Variants in SPOCK3 observed in about 807,000 individuals in gnomAD.
SPOCK3 encodes testican-3.
SPOCK3 carries 30 observed loss-of-function variants against 56.6 expected under a neutral mutation model. That is an observed-to-expected ratio of 0.53 (90% CI 0.40 to 0.72). SPOCK3 has a LOEUF of 0.72. Ranked by LOEUF, SPOCK3 falls within the 30% of genes least tolerant of loss-of-function variation. The pLI, the probability that SPOCK3 is intolerant of heterozygous loss-of-function variation, is 0.00. For synonymous variants in SPOCK3, 196 were observed against 183.3 expected (o/e 1.07, Z -0.56); for missense variants, 527 against 530.0 (o/e 0.99, Z 0.06).
chr4:167,172,929 C>G lies in SPOCK3; in HGVS notation c.189+61056G>C, dbSNP rs185935398. 3.2e-4 allele frequency among the ~76,000 whole-genome samples: 49 copies of G among 152,204 alleles called. No individual in the cohort carries two copies. The East Asian group carries it at 8.9e-3, about 28-fold the overall frequency. On this transcript the variant is annotated intron_variant, in intron 2 of 10. Coordinates refer to ENST00000357545, the MANE Select transcript of SPOCK3 (RefSeq NM_001040159.2). ...TTTCAGGTAGAAATTATTTTAAAAT[C>G]TTAGAAAATTGATCACAGAAATAAA...
chr4:166,961,886 A>T (rs1744185456), intron 4 of SPOCK3, among the ~76,000 whole-genome samples: 1 of 152,158 alleles, frequency 6.6e-6, no homozygotes, highest in South Asian at 2.1e-4. Flanking sequence ...AATGAGAGTC[A>T]TTATCATTCC....
intron 2 of SPOCK3, among the ~76,000 whole-genome samples, chr4:167,166,036 A>C (rs960633830): frequency 6.6e-6 from 1 of 152,094 alleles, no homozygotes; most frequent in African/African-American, 2.4e-5. Flanking sequence ...ATGGATGACA[A>C]GTTACTGCTC....
chr4:166,746,537 G>A (rs1174395007), intron 8 of SPOCK3, among the ~76,000 whole-genome samples: 1 of 152,118 alleles, frequency 6.6e-6, no homozygotes, highest in African/African-American at 2.4e-5. Flanking sequence ...AAGCAGGAAA[G>A]ATCTAAAATT....
intron 3 of SPOCK3, among the ~76,000 whole-genome samples, chr4:167,031,740 T>G (rs1043008806): frequency 6.6e-6 from 1 of 152,024 alleles, no homozygotes; most frequent in Non-Finnish European, 1.5e-5. Context: ...TTTCCCTCTC[T>G]CTGTTGAAAC....
chr4:167,169,342 C>T (rs1730291511), intron 2 of SPOCK3, among the ~76,000 whole-genome samples: 1 of 152,166 alleles, frequency 6.6e-6, no homozygotes, highest in Non-Finnish European at 1.5e-5. Flanking sequence ...CCCTGCAAAG[C>T]CACAGGGATG....
At chr4:167,159,793 A>G (rs990823308) in intron 2 of SPOCK3, among the ~76,000 whole-genome samples, 46 of 152,180 alleles carry the variant, frequency 3.0e-4, no homozygotes, top group Non-Finnish European at 6.2e-4. Flanking sequence ...CAAAAACCAC[A>G]TGATTATCTC....
chr4:167,220,963 A>C (rs75562482), intron 2 of SPOCK3, among the ~76,000 whole-genome samples: 4,812 of 152,260 alleles, frequency 0.032, 114 homozygotes, highest in Middle Eastern at 0.075. Context: ...AAAGGACAAT[A>C]AATTCTAATA....
chr4:167,022,117 T>C (rs1751245947), intron 3 of SPOCK3, among the ~76,000 whole-genome samples: 1 of 151,912 alleles, frequency 6.6e-6, no homozygotes, highest in Non-Finnish European at 1.5e-5. Flanking sequence ...GCTGTTCCCA[T>C]CTAGTACTGA....
At chr4:166,937,360 T>TATATAC (rs1163569077) in intron 4 of SPOCK3, among the ~76,000 whole-genome samples, 1 of 150,462 alleles carries the variant, frequency 6.6e-6, no homozygotes. Flanking sequence ...GTAAGGTGTA[T>TATATAC]ATATACATAT....
At chr4:167,143,579 T>C (rs938752541) in intron 2 of SPOCK3, among the ~76,000 whole-genome samples, 5 of 151,924 alleles carry the variant, frequency 3.3e-5, no homozygotes, top group Admixed American at 6.6e-5. Context: ...CTTTGCTGAG[T>C]TGAGGATAAT....
intron 6 of SPOCK3, among the ~76,000 whole-genome samples, chr4:166,869,221 A>G (rs1248202117): frequency 2.0e-5 from 3 of 152,124 alleles, no homozygotes; most frequent in African/African-American, 7.2e-5. Flanking sequence ...CACAAAATGT[A>G]AATTGCTGAT....
chr4:167,175,081 T>C (rs1038065330), intron 2 of SPOCK3, among the ~76,000 whole-genome samples: 4 of 152,128 alleles, frequency 2.6e-5, no homozygotes, highest in African/African-American at 9.7e-5. Flanking sequence ...ATGCTCAAAA[T>C]GATGTAGTAA....
intron 4 of SPOCK3, among the ~76,000 whole-genome samples, chr4:166,975,470 C>A (rs1228708884): frequency 1.3e-5 from 2 of 152,120 alleles, no homozygotes; most frequent in Non-Finnish European, 2.9e-5. Flanking sequence ...AATAGGTTAT[C>A]CATCACTTCA....
At chr4:166,918,010 T>C (rs1402050454) in intron 4 of SPOCK3, among the ~76,000 whole-genome samples, 1 of 152,172 alleles carries the variant, frequency 6.6e-6, no homozygotes, top group African/African-American at 2.4e-5. Flanking sequence ...ACACCTACTA[T>C]TTCACGTCCC....
At chr4:166,829,212 T>C (rs892862065) in intron 6 of SPOCK3, among the ~76,000 whole-genome samples, 2 of 152,062 alleles carry the variant, frequency 1.3e-5, no homozygotes, top group Non-Finnish European at 2.9e-5. Flanking sequence ...CAGATTAACA[T>C]GGCTCGACAC....
intron 2 of SPOCK3, among the ~76,000 whole-genome samples, chr4:167,168,366 A>C (rs1472241577): frequency 6.6e-6 from 1 of 152,158 alleles, no homozygotes; most frequent in African/African-American, 2.4e-5. Context: ...GAGGGCTCAG[A>C]AGGCAGGAAG....
intron 2 of SPOCK3, among the ~76,000 whole-genome samples, chr4:167,167,520 T>C (rs961381487): frequency 3.3e-5 from 5 of 152,192 alleles, no homozygotes; most frequent in African/African-American, 1.2e-4. Context: ...CATCAAAGTG[T>C]ATGGTATTTC....
chr4:167,005,240 C>T (rs1217095422), intron 3 of SPOCK3, among the ~76,000 whole-genome samples: 1 of 151,632 alleles, frequency 6.6e-6, no homozygotes, highest in Non-Finnish European at 1.5e-5. Context: ...GATGGAGTCT[C>T]ACTCTGTTGC....
chr4:167,093,452 C>T (rs1451766608), intron 2 of SPOCK3, among the ~76,000 whole-genome samples: 4 of 152,056 alleles, frequency 2.6e-5, no homozygotes, highest in Non-Finnish European at 5.9e-5. Flanking sequence ...AACCCCCCAT[C>T]CCCTGACAGG....
Sources: allele counts gnomAD v4.1 joint callset (sites outside exome capture counted in the v4.1 genomes callset), GRCh38; gene constraint gnomAD v4.1.1; transcripts MANE v1.5; gene names NCBI Gene and HGNC (gene_info 2026-07-23, HGNC 2026-07-21).